FXYD5: variants seen among roughly 807,000 people sequenced by gnomAD.
FXYD5 encodes FXYD domain-containing ion transport regulator 5.
FXYD5 carries 21 observed loss-of-function variants against 25.7 expected under a neutral mutation model. The observed-to-expected ratio is 0.82, with a 90% CI of 0.58 to 1.18. The LOEUF is 1.18. Ranked by LOEUF, FXYD5 falls within the 50% of genes most tolerant of loss-of-function variation. FXYD5 has a pLI of 0.00. For synonymous variants in FXYD5, 101 were observed against 90.7 expected, an observed-to-expected ratio of 1.11 and a Z score of -0.64; for missense variants, 229 against 227.7, an observed-to-expected ratio of 1.01 and a Z score of -0.04.
chr19:35,155,348 G>T (rs2065343032), intron 1 of FXYD5: 3 of 591,054 alleles, frequency 5.1e-6, no homozygotes, highest in Non-Finnish European at 3.0e-6. Context: ...GGACCTGCAG[G>T]GGAAGGAAGC....
At chr19:35,157,332 C>A in intron 2 of FXYD5, 89 bp from the exon 3 acceptor site, 1 of 713,204 alleles carries the variant, frequency 1.4e-6, no homozygotes, top group East Asian at 2.6e-5. Context: ...CAGACAGGAC[C>A]CCTAAGGTTT....
At chr19:35,164,726 T>C (rs1240385711) in intron 6 of FXYD5, among the ~76,000 whole-genome samples, 1 of 152,178 alleles carries the variant, frequency 6.6e-6, no homozygotes, top group East Asian at 1.9e-4. Context: ...CATTCATCCA[T>C]TCATTCAACA....
Position 35,160,796 on chromosome 19 carries a change from A to G in FXYD5, c.287A>G (p.Lys96Arg), listed in dbSNP as rs917668797. Residue 96 changes from lysine (K) to arginine (R), a missense_variant, in exon 5 of 9, where the codon AAA (lysine) becomes AGA (arginine). Transcript: ENST00000392219. ...VTDPETHKSTKAAHPTDDTTT... is the reference protein window; with the variant it reads ...VTDPETHKSTRAAHPTDDTTT... ...GATCCAGAGACACACAAGAGCACCAAAGCAGGTATAGCATGGGACTGAGAG... is the reference window on the plus strand; with the variant it reads ...GATCCAGAGACACACAAGAGCACCAGAGCAGGTATAGCATGGGACTGAGAG... 1.1e-5 allele frequency: 17 copies of G among 1,603,002 alleles called. No homozygotes were observed. Among genetic ancestry groups the G allele is most frequent in the Non-Finnish European group, 1.3e-5 (15 of 1,169,986 alleles).
chr19:35,166,270 A>C lies in FXYD5; in HGVS notation c.432A>C (p.Lys144Asn), dbSNP rs1198593598. ...PFFYDEHTLRKRGLLVAAVLF... is the reference protein window; with the variant it reads ...PFFYDEHTLRNRGLLVAAVLF... ...CTGCAGATGAACACACCCTCCGGAA[A>C]CGGGGGCTGTTGGTCGCAGCTGTGC... The change falls in exon 8 of 9, where the codon AAA becomes AAC. Residue 144 changes from lysine (K) to asparagine (N), a missense_variant. Physicochemically the swap from Lys to Asn is moderately conservative, Grantham distance 94 (BLOSUM62 0). Coordinates refer to ENST00000392219, the MANE Select transcript of FXYD5 (RefSeq NM_014164.6). The C allele has an allele frequency of 6.2e-7, 1 of 1,611,672 alleles. No homozygotes were observed. Among genetic ancestry groups the C allele is most frequent in the South Asian group, 1.1e-5 (1 of 90,870 alleles).
At chr19:35,166,015 C>A in intron 6 of FXYD5, 127 bp from the exon 7 acceptor site, 1 of 824,984 alleles carries the variant, frequency 1.2e-6, no homozygotes, top group African/African-American at 1.7e-5. Context: ...AGATTGTGTG[C>A]CATGGTGAAG....
chr19:35,169,665 C>T lies in FXYD5; in HGVS notation c.*50C>T, dbSNP rs948930279. ...ACCTGCTGGGCACCCGAAGACCAAG[C>T]CCCCTGCCAGCTCACCGTGCCCAGC... On this transcript the variant is annotated 3_prime_UTR_variant, in exon 9 of 9. Coordinates refer to ENST00000392219, the MANE Select transcript of FXYD5 (RefSeq NM_014164.6). The T allele has an allele frequency of 3.2e-6, 4 of 1,240,958 alleles. No homozygotes were observed. The highest frequency in any genetic ancestry group is 2.4e-5 in the South Asian group (2 of 83,124). The allele number at this position is 1,240,958 out of a possible 1,614,324, so 76.9% of individuals were successfully genotyped here.
intron 8 of FXYD5, chr19:35,166,637 G>A: frequency 2.3e-6 from 1 of 437,734 alleles, no homozygotes; most frequent in South Asian, 6.4e-5. Context: ...TTGGCTCTTT[G>A]CCACATCATC....
chr19:35,160,210 AAAAT>A (rs1341421061), intron 4 of FXYD5, among the ~76,000 whole-genome samples: 2 of 152,202 alleles, frequency 1.3e-5, no homozygotes, highest in African/African-American at 4.8e-5. Flanking sequence ...CCCTGTCTCA[AAAAT>A]AAATAAAAGT....
Position 35,160,725 on chromosome 19 carries a change from G to C in FXYD5, c.216G>C (p.Gln72His). Residue 72 changes from glutamine (Q) to histidine (H), a missense_variant, in exon 5 of 9, where the codon CAG becomes CAC. Transcript: ENST00000392219. ...CCTGAATAGAAACACCACAACCCCA[G>C]ACCCAGACCCAGCAACTGGAAGGAA... ...TWPADETPQP[Q>H]TQTQQLEGTD... The C allele has an allele frequency of 1.2e-6, 2 of 1,612,396 alleles. No individual in the cohort carries two copies. Among genetic ancestry groups the C allele is most frequent in the Non-Finnish European group, 1.7e-6 (2 of 1,178,656 alleles).
chr19:35,156,758 G>A (rs2065359621), intron 2 of FXYD5: 1 of 152,800 alleles, frequency 6.5e-6, no homozygotes. Flanking sequence ...TTGCTTTTAT[G>A]TGGAGTGAAG....
rs944793305 is a variant in FXYD5, at chr19:35,169,761, C to T, written c.*146C>T. 4.2e-5 allele frequency: 27 copies of T among 646,190 alleles called. No homozygotes were observed. Among genetic ancestry groups the T allele is most frequent in the East Asian group, 2.5e-4 (9 of 36,368 alleles). The allele number at this position is 646,190 out of a possible 1,614,324, so 40.0% of individuals were successfully genotyped here. A position where few individuals can be genotyped will look rare whatever the true frequency, so the allele number is the denominator to read the frequency against. On this transcript the variant is annotated 3_prime_UTR_variant, in exon 9 of 9. Coordinates refer to ENST00000392219, the MANE Select transcript of FXYD5 (RefSeq NM_014164.6). ...ATGATGAAGCTGGAGCCAGGGCTGC[C>T]GGTCCGAGTCTCCTACCTCCCCCAA...
At chr19:35,159,573 C>G in intron 4 of FXYD5, 1 of 1,550,596 alleles carries the variant, frequency 6.4e-7, no homozygotes, top group Non-Finnish European at 8.7e-7. Context: ...TTGGCTGTTT[C>G]CAGCTTTTTC....
chr19:35,156,650 G>A (rs995450310), intron 2 of FXYD5, among the ~76,000 whole-genome samples: 2 of 152,202 alleles, frequency 1.3e-5, no homozygotes, highest in Non-Finnish European at 2.9e-5. Flanking sequence ...GGCAGGTGGG[G>A]TGGCTGGGTT....
chr19:35,155,606 C>A lies in FXYD5; in HGVS notation c.56C>A (p.Thr19Asn), dbSNP rs771564185. The change falls in exon 2 of 9, where the codon ACC becomes AAC. Residue 19 changes from threonine (T) to asparagine (N), a missense_variant. By Grantham distance (65) the Thr-to-Asn change is moderately conservative. Coordinates refer to ENST00000392219, the MANE Select transcript of FXYD5 (RefSeq NM_014164.6). The part of the protein sequence containing the change: ...LLTIVGLILP[T>N]RGQTLKDTTS... Reference sequence around the variant, plus strand: ...ACCATCGTTGGCCTGATTCTCCCCACCAGAGGTAAGACCCATCTCTGGCCT... The same window carrying A: ...ACCATCGTTGGCCTGATTCTCCCCAACAGAGGTAAGACCCATCTCTGGCCT... 1.2e-6 allele frequency: 2 copies of A among 1,608,070 alleles called. No homozygotes were observed. The highest frequency in any genetic ancestry group is 1.7e-6 in the Non-Finnish European group (2 of 1,177,762).
At chr19:35,163,883 T>C (rs2065427218) in intron 5 of FXYD5, among the ~76,000 whole-genome samples, 1 of 152,168 alleles carries the variant, frequency 6.6e-6, no homozygotes, top group Non-Finnish European at 1.5e-5. Flanking sequence ...GATTATAGTG[T>C]GGGCCAGAAG....
rs556370771 is a variant in FXYD5 at position 35,160,593 on chromosome 19, G to A, written c.200-116G>A. 595 of 708,030 alleles carry A rather than the reference G, an allele frequency of 8.4e-4. 3 individuals carry two copies. Among genetic ancestry groups the A allele is most frequent in the Non-Finnish European group, 1.2e-3 (478 of 385,462 alleles). The allele number at this position is 708,030 out of a possible 1,614,324, so 43.9% of individuals were successfully genotyped here. A position where few individuals can be genotyped will look rare whatever the true frequency, so the allele number is the denominator to read the frequency against. On this transcript the variant is annotated intron_variant, in intron 4 of 8. Coordinates refer to ENST00000392219, the MANE Select transcript of FXYD5 (RefSeq NM_014164.6). ...ACTCCCGACCTAAGGTAATCTGCCCGCCTCGGCCTCCCAAAGTGCTGGGAA... is the reference window on the plus strand; with the variant it reads ...ACTCCCGACCTAAGGTAATCTGCCCACCTCGGCCTCCCAAAGTGCTGGGAA...
At chr19:35,160,613 T>G in intron 4 of FXYD5, 96 bp from the exon 5 acceptor site, 2 of 812,302 alleles carry the variant, frequency 2.5e-6, no homozygotes, top group Non-Finnish European at 2.2e-6. Flanking sequence ...CCCAAAGTGC[T>G]GGGAATACAG....
intron 8 of FXYD5, among the ~76,000 whole-genome samples, chr19:35,167,691 A>C (rs1010166953): frequency 6.6e-6 from 1 of 152,218 alleles, no homozygotes; most frequent in Non-Finnish European, 1.5e-5. Context: ...GAGCATAGCC[A>C]CATCTTTTTT....
At chr19:35,164,636 A>T (rs1417966726) in intron 6 of FXYD5, among the ~76,000 whole-genome samples, 1 of 152,066 alleles carries the variant, frequency 6.6e-6, no homozygotes, top group Non-Finnish European at 1.5e-5. Flanking sequence ...TTCCCTGGTG[A>T]TCTTATCCAC....
Sources: allele counts gnomAD v4.1 joint callset (sites outside exome capture counted in the v4.1 genomes callset), GRCh38; gene constraint gnomAD v4.1.1; transcripts MANE v1.5; gene names NCBI Gene and HGNC (gene_info 2026-07-23, HGNC 2026-07-21).